CNTNAP3: variants seen among roughly 807,000 people sequenced by gnomAD.
The protein encoded by CNTNAP3 is contactin-associated protein-like 3.
A neutral mutation model predicts 92.1 loss-of-function variants in CNTNAP3; 36 were observed. The observed-to-expected ratio is 0.39, with a 90% CI of 0.30 to 0.52. The LOEUF (loss-of-function observed/expected upper bound fraction) is 0.52. CNTNAP3 is among the 20% of genes least tolerant of loss of function. The probability of loss-of-function intolerance (pLI) is 0.76; values close to 1 mark genes in which losing one functional copy is unlikely to be tolerated. For missense variants in CNTNAP3, 534 were observed against 1,069.6 expected, an observed-to-expected ratio of 0.50 and a Z score of 6.98; for synonymous variants, 232 against 422.3, an observed-to-expected ratio of 0.55 and a Z score of 5.53.
chr9:39,082,987 A>G (rs1825981105), intron 21 of CNTNAP3, among the ~76,000 whole-genome samples: 1 of 152,124 alleles, frequency 6.6e-6, no homozygotes, highest in African/African-American at 2.4e-5. Flanking sequence ...CAGACCCAAC[A>G]TAAAACATTT....
rs1198106886 is a variant in CNTNAP3 at position 39,068,243 on chromosome 9, CAAAAAAAAAAAA to C, written c.*5635_*5646del. Among the ~76,000 whole-genome samples, 1 of 129,320 alleles carries C rather than the reference CAAAAAAAAAAAA, an allele frequency of 7.7e-6. No homozygotes were observed. Among genetic ancestry groups the C allele is most frequent in the Non-Finnish European group, 1.7e-5 (1 of 59,106 alleles). The allele number at this position is 129,320 out of a possible 152,430, so 84.8% of individuals were successfully genotyped here. The stretch of plus-strand genomic sequence containing the variant: ...TGAAACCTTGCCTCCACTAAAAATA[CAAAAAAAAAAAA>C]AAAAAAAAAAATTAGCTGGGCATGT... On this transcript the variant is annotated 3_prime_UTR_variant, in exon 24 of 24. Coordinates refer to ENST00000297668, the MANE Select transcript of CNTNAP3 (RefSeq NM_033655.5).
Position 39,149,936 on chromosome 9 carries a change from G to A in CNTNAP3, c.1519C>T (p.Leu507=), listed in dbSNP as rs960539578. Reference sequence around the variant, plus strand: ...CTTAGGCAGCCCTGAAACCCTCCCAGGGGGCTTTTACATCCAGAGCCAGAG... The same window carrying A: ...CTTAGGCAGCCCTGAAACCCTCCCAAGGGGCTTTTACATCCAGAGCCAGAG... The part of the protein sequence containing the change: ...NSSGSGCKSP[L]GGFQGCLRLI... The change falls in exon 10 of 24, where the codon CTG becomes TTG. Residue 507 remains leucine, a synonymous_variant. Coordinates refer to ENST00000297668, the MANE Select transcript of CNTNAP3 (RefSeq NM_033655.5). 1.2e-6 allele frequency: 2 copies of A among 1,611,550 alleles called. No individual in the cohort carries two copies. Among genetic ancestry groups the A allele is most frequent in the Non-Finnish European group, 1.7e-6 (2 of 1,179,736 alleles).
intron 12 of CNTNAP3, among the ~76,000 whole-genome samples, chr9:39,139,302 C>T (rs1327431899): frequency 6.6e-6 from 1 of 152,110 alleles, no homozygotes; most frequent in Non-Finnish European, 1.5e-5. Context: ...TTGATATCCA[C>T]CAAGACCATT....
intron 18 of CNTNAP3, among the ~76,000 whole-genome samples, chr9:39,093,521 C>G (rs950644339): frequency 6.0e-5 from 9 of 151,182 alleles, no homozygotes; most frequent in African/African-American, 2.2e-4. Context: ...TAAGCAATAA[C>G]TCTCCATTGC....
intron 18 of CNTNAP3, among the ~76,000 whole-genome samples, chr9:39,088,924 A>G (rs1191451943): frequency 9.2e-5 from 14 of 152,244 alleles, no homozygotes; most frequent in Non-Finnish European, 1.8e-4. Context: ...ATATTTACAT[A>G]TAACTAATTC....
At chr9:39,256,503 A>G (rs1212762417) in intron 2 of CNTNAP3, among the ~76,000 whole-genome samples, 2 of 19,522 alleles carry the variant, frequency 1.0e-4, no homozygotes, top group African/African-American at 2.3e-4. Context: ...AAAAAAAAAA[A>G]GAGGGCGGGG....
intron 15 of CNTNAP3, among the ~76,000 whole-genome samples, chr9:39,105,785 G>C (rs144021708): frequency 6.6e-6 from 1 of 151,758 alleles, no homozygotes; most frequent in East Asian, 1.9e-4. Context: ...AGATCTGCAG[G>C]CTATTTACTA....
chr9:39,147,535 GC>G (rs1157028802), intron 10 of CNTNAP3, among the ~76,000 whole-genome samples: 3 of 152,086 alleles, frequency 2.0e-5, no homozygotes, highest in African/African-American at 7.2e-5. Context: ...ATAGTAAATA[GC>G]CTTTATTTGT....
intron 15 of CNTNAP3, among the ~76,000 whole-genome samples, chr9:39,105,038 C>T (rs1168968558): frequency 6.6e-6 from 1 of 152,164 alleles, no homozygotes; most frequent in Non-Finnish European, 1.5e-5. Flanking sequence ...ATATTGATGG[C>T]TCCTGATTGA....
chr9:39,129,204 A>C (rs1366758343), intron 13 of CNTNAP3, among the ~76,000 whole-genome samples: 2 of 152,228 alleles, frequency 1.3e-5, no homozygotes, highest in East Asian at 3.8e-4. Context: ...TTGAAAAAGA[A>C]GAATAAAGCA....
At position 39,080,310 on chromosome 9, in the gene CNTNAP3, C is replaced by A. The variant is rs1322287014; in HGVS notation, c.3443-1390G>T. Among the ~76,000 whole-genome samples, 5 of 137,564 alleles carry A rather than the reference C, an allele frequency of 3.6e-5. 1 individual carries two copies. The East Asian group carries it at 9.5e-4, about 26-fold the overall frequency. 90.2% of individuals were successfully genotyped at this position (137,564 alleles called of 152,430 possible). On this transcript the variant is annotated intron_variant, in intron 21 of 23. Transcript: ENST00000297668. ...ACCTTTCTCATCCCTCTCACCACCC[C>A]GCAGGTGATGTCTGACAACACTGGC... is the stretch of plus-strand genomic sequence containing the variant.
chr9:39,130,989 AT>A (rs898040293), intron 13 of CNTNAP3, among the ~76,000 whole-genome samples: 3 of 151,832 alleles, frequency 2.0e-5, no homozygotes, highest in South Asian at 2.1e-4. Flanking sequence ...ATTATCTCAA[AT>A]TTTTTTTTAA....
chr9:39,159,222 T>A (rs1340860596), intron 9 of CNTNAP3: 7 of 150,110 alleles, frequency 4.7e-5, no homozygotes, highest in Non-Finnish European at 1.5e-5. Flanking sequence ...TGTCGCTGTG[T>A]CCCTATATGG....
rs1206744764 is a variant in CNTNAP3, at chr9:39,165,558, TTTG to T, written c.1477+372_1477+374del. Among the ~76,000 whole-genome samples, 10 of 140,886 alleles carry T rather than the reference TTTG, an allele frequency of 7.1e-5. No homozygotes were observed. The South Asian group carries it at 1.5e-3, about 22-fold the overall frequency. 92.4% of individuals were successfully genotyped at this position (140,886 alleles called of 152,430 possible). A position where few individuals can be genotyped will look rare whatever the true frequency, so the allele number is the denominator to read the frequency against. On this transcript the variant is annotated intron_variant, in intron 9 of 23. Coordinates refer to ENST00000297668, the MANE Select transcript of CNTNAP3 (RefSeq NM_033655.5). ...AATGACTTCAGACAGTACGATTTGT[TTTG>T]TTTTTATGAGCTAACTGTTAGAAGT...
intron 15 of CNTNAP3, among the ~76,000 whole-genome samples, chr9:39,105,136 A>T (rs926188394): frequency 7.9e-5 from 12 of 152,152 alleles, no homozygotes; most frequent in African/African-American, 2.9e-4. Flanking sequence ...CGTCAGAAAT[A>T]GCTTTTCTCG....
chr9:39,140,426 C>T (rs754255696), intron 12 of CNTNAP3, 93 bp downstream of exon 12: 221 of 1,516,934 alleles, frequency 1.5e-4, no homozygotes, highest in Admixed American at 3.8e-4. Flanking sequence ...AGCAAGTACA[C>T]ACTATCAAAC....
At chr9:39,105,292 T>C (rs1826574323) in intron 15 of CNTNAP3, among the ~76,000 whole-genome samples, 1 of 151,996 alleles carries the variant, frequency 6.6e-6, no homozygotes, top group African/African-American at 2.4e-5. Context: ...CCAGGCATGG[T>C]GGTGGGTGCC....
At chr9:39,116,511 T>G (rs1332152) in intron 14 of CNTNAP3, among the ~76,000 whole-genome samples, 1 of 151,942 alleles carries the variant, frequency 6.6e-6, no homozygotes, top group African/African-American at 2.4e-5. Context: ...TACAAAATAT[T>G]GTACAAAACC....
chr9:39,127,768 T>G (rs1821184237), intron 13 of CNTNAP3, among the ~76,000 whole-genome samples: 1 of 152,194 alleles, frequency 6.6e-6, no homozygotes, highest in African/African-American at 2.4e-5. Context: ...GAATTCATAA[T>G]TTAAAATTAC....
Sources: allele counts gnomAD v4.1 joint callset (sites outside exome capture counted in the v4.1 genomes callset), GRCh38; gene constraint gnomAD v4.1.1; transcripts MANE v1.5; gene names NCBI Gene and HGNC (gene_info 2026-07-23, HGNC 2026-07-21).